Variants in RGS7 observed in about 807,000 individuals in gnomAD.
The protein encoded by RGS7 is regulator of G-protein signaling 7.
A neutral mutation model predicts 81.1 loss-of-function variants in RGS7; 27 were observed. The ratio of observed to expected loss-of-function variants is 0.33; its 90% CI spans 0.25 to 0.46. The LOEUF (loss-of-function observed/expected upper bound fraction) is 0.46, where lower values mean the gene tolerates loss of function less well. RGS7 is among the 20% of genes least tolerant of loss of function. The probability of loss-of-function intolerance (pLI) is 1.00; values close to 1 mark genes in which losing one functional copy is unlikely to be tolerated. For missense variants in RGS7, 396 were observed against 607.4 expected, an observed-to-expected ratio of 0.65 and a Z score of 3.66; for synonymous variants, 208 against 207.7, an observed-to-expected ratio of 1.00 and a Z score of -0.01.
At chr1:240,968,362 G>A (rs761474086) in intron 4 of RGS7, among the ~76,000 whole-genome samples, 4 of 152,168 alleles carry the variant, frequency 2.6e-5, no homozygotes, top group East Asian at 1.9e-4. Flanking sequence ...GTTATTACCC[G>A]AAAATAACAC....
chr1:241,288,845 A>G (rs750517557), intron 2 of RGS7, among the ~76,000 whole-genome samples: 1 of 152,082 alleles, frequency 6.6e-6, no homozygotes, highest in Non-Finnish European at 1.5e-5. Context: ...TCCATGTTCA[A>G]TGAGAGATTC....
chr1:241,167,813 C>T (rs538414803), intron 2 of RGS7, among the ~76,000 whole-genome samples: 56 of 152,188 alleles, frequency 3.7e-4, no homozygotes, highest in African/African-American at 1.2e-3. Context: ...CCACCACGCC[C>T]GGCCTGATCC....
At chr1:241,177,074 A>C (rs770961181) in intron 2 of RGS7, among the ~76,000 whole-genome samples, 1 of 152,214 alleles carries the variant, frequency 6.6e-6, no homozygotes, top group Non-Finnish European at 1.5e-5. Flanking sequence ...ACCATGAACA[A>C]TATGAACAAG....
chr1:241,199,214 C>A (rs2948063), intron 2 of RGS7, among the ~76,000 whole-genome samples: 2 of 151,736 alleles, frequency 1.3e-5, no homozygotes, highest in South Asian at 4.2e-4. Context: ...CCCAGCACTT[C>A]GGGAGGCCGA....
At chr1:240,944,295 T>TGC (rs1678203747) in intron 4 of RGS7, among the ~76,000 whole-genome samples, 1 of 47,508 alleles carries the variant, frequency 2.1e-5, no homozygotes, top group Non-Finnish European at 5.2e-5. Flanking sequence ...TATATATATA[T>TGC]ATATATATAT....
At chr1:240,986,122 T>C (rs1685631565) in intron 3 of RGS7, among the ~76,000 whole-genome samples, 1 of 152,118 alleles carries the variant, frequency 6.6e-6, no homozygotes, top group African/African-American at 2.4e-5. Context: ...CACTGTAGCC[T>C]ATGGAAAGTT....
At chr1:240,969,143 T>G (rs1164427132) in intron 4 of RGS7, among the ~76,000 whole-genome samples, 2 of 152,242 alleles carry the variant, frequency 1.3e-5, no homozygotes, top group African/African-American at 4.8e-5. Context: ...ATTAGCTTTA[T>G]CCAGTGCTTT....
intron 17 of RGS7, 128 bp from the exon 18 acceptor site, chr1:240,800,849 G>T: frequency 2.2e-6 from 1 of 446,780 alleles, no homozygotes; most frequent in Non-Finnish European, 4.0e-6. Flanking sequence ...CACATGGCAA[G>T]ATACTAAGAA....
At chr1:240,935,974 T>G (rs1377710612) in intron 5 of RGS7, among the ~76,000 whole-genome samples, 2 of 152,248 alleles carry the variant, frequency 1.3e-5, no homozygotes, top group Non-Finnish European at 2.9e-5. Context: ...GGTAAATCAA[T>G]GTGAACTCAA....
chr1:241,324,555 C>T (rs941568121), intron 2 of RGS7, among the ~76,000 whole-genome samples: 2 of 152,154 alleles, frequency 1.3e-5, no homozygotes, highest in Non-Finnish European at 2.9e-5. Context: ...AGAAGAAAAA[C>T]TTCTAATTCA....
intron 2 of RGS7, among the ~76,000 whole-genome samples, chr1:241,130,927 C>CAAAAAAAAAAAA (rs11365447): frequency 2.2e-5 from 2 of 90,174 alleles, no homozygotes; most frequent in African/African-American, 7.5e-5. Flanking sequence ...GGCTTAATTA[C>CAAAAAAAAAAAA]AAAAAAAAAA....
At chr1:240,817,014 C>T (rs979028088) in intron 10 of RGS7, among the ~76,000 whole-genome samples, 1 of 152,114 alleles carries the variant, frequency 6.6e-6, no homozygotes, top group African/African-American at 2.4e-5. Context: ...ACCCCAGAGG[C>T]GTCATGCATC....
At chr1:241,341,053 C>A (rs958140520) in intron 2 of RGS7, among the ~76,000 whole-genome samples, 2 of 152,166 alleles carry the variant, frequency 1.3e-5, no homozygotes, top group Non-Finnish European at 2.9e-5. Flanking sequence ...GGACATCAAG[C>A]CCTATTTTTG....
At chr1:241,352,993 C>T (rs2083342000) in intron 2 of RGS7, among the ~76,000 whole-genome samples, 1 of 152,176 alleles carries the variant, frequency 6.6e-6, no homozygotes, top group South Asian at 2.1e-4. Flanking sequence ...GAAAACACCA[C>T]GAATATTCCC....
intron 3 of RGS7, among the ~76,000 whole-genome samples, chr1:241,081,581 T>C (rs1364986705): frequency 6.6e-6 from 1 of 152,212 alleles, no homozygotes; most frequent in Non-Finnish European, 1.5e-5. Context: ...GTTACAATCT[T>C]AGTGAAGTTC....
chr1:241,100,798 T>C (rs938592252), intron 2 of RGS7, among the ~76,000 whole-genome samples: 2 of 152,214 alleles, frequency 1.3e-5, no homozygotes, highest in Non-Finnish European at 2.9e-5. Flanking sequence ...AGACCAAATG[T>C]CCATGCACAC....
At chr1:241,107,896 A>G (rs1362432309) in intron 2 of RGS7, among the ~76,000 whole-genome samples, 4 of 152,196 alleles carry the variant, frequency 2.6e-5, no homozygotes, top group East Asian at 3.9e-4. Context: ...ACCTTATTCA[A>G]TATAAAAACC....
At chr1:241,295,583 T>C (rs1323455076) in intron 2 of RGS7, among the ~76,000 whole-genome samples, 1 of 152,180 alleles carries the variant, frequency 6.6e-6, no homozygotes, top group African/African-American at 2.4e-5. Context: ...ACAGGCCACG[T>C]CCTAAAGGCG....
intron 9 of RGS7, among the ~76,000 whole-genome samples, chr1:240,852,197 C>T (rs1169278333): frequency 6.6e-6 from 1 of 152,100 alleles, no homozygotes; most frequent in East Asian, 1.9e-4. Flanking sequence ...CTTTAGCAAC[C>T]ACCGCCCAGA....
Sources: gnomAD v4.1 joint callset for allele counts (sites outside exome capture counted in the v4.1 genomes callset) on GRCh38, gnomAD v4.1.1 for gene constraint, MANE v1.5 for transcripts, NCBI Gene and HGNC (gene_info 2026-07-23, HGNC 2026-07-21) for gene names.